TMEM231: variants seen among roughly 807,000 people sequenced by gnomAD.
The protein encoded by TMEM231 is transmembrane protein 231.
In TMEM231, 40 loss-of-function variants were observed where a neutral mutation model predicts 38.5. The ratio of observed to expected loss-of-function variants is 1.04; its 90% CI spans 0.81 to 1.35. The LOEUF (loss-of-function observed/expected upper bound fraction) is 1.35, where lower values mean the gene tolerates loss of function less well. TMEM231 is among the 40% of genes most tolerant of loss of function. The pLI is 0.00. For missense variants in TMEM231, 420 were observed against 416.9 expected (o/e 1.01, Z -0.07); for synonymous variants, 199 against 181.7 (o/e 1.10, Z -0.77).
rs2080586117 is a variant in TMEM231 at position 75,538,644 on chromosome 16, C to A, written c.*1350G>T. The A allele has an allele frequency of 6.6e-6, 1 of 152,110 alleles. No homozygotes were observed. Among genetic ancestry groups the A allele is most frequent in the East Asian group, 1.9e-4 (1 of 5,190 alleles). The allele number at this position is 152,110 out of a possible 1,614,324, so 9.4% of individuals were successfully genotyped here. A position where few individuals can be genotyped will look rare whatever the true frequency, so the allele number is the denominator to read the frequency against. ...AACGACAACTGATCTCCAAAGTAAA[C>A]TGAGGCACACACTGAGGGGTGTGTT... is the stretch of plus-strand genomic sequence containing the variant. On this transcript the variant is annotated 3_prime_UTR_variant, in exon 7 of 7. Coordinates refer to ENST00000258173, the MANE Select transcript of TMEM231 (RefSeq NM_001077418.3).
chr16:75,541,640 T>C (rs2080629702), intron 5 of TMEM231, 185 bp from the exon 6 acceptor site: 2 of 406,028 alleles, frequency 4.9e-6, no homozygotes, highest in Admixed American at 4.5e-5. Context: ...ATAGTCAAAA[T>C]ACTTTTGTTA....
chr16:75,545,607 G>A (rs2151702863), intron 3 of TMEM231, 112 bp from the exon 4 acceptor site: 4 of 722,060 alleles, frequency 5.5e-6, no homozygotes, highest in African/African-American at 2.2e-5. Flanking sequence ...CATACCTAGC[G>A]TAGCCATGCA....
chr16:75,548,867 C>T (rs1270760504), intron 2 of TMEM231, among the ~76,000 whole-genome samples: 2 of 152,142 alleles, frequency 1.3e-5, no homozygotes, highest in East Asian at 3.8e-4. Context: ...GACTCTATCT[C>T]AAACAAACAA....
At chr16:75,541,676 T>C in intron 5 of TMEM231, 1 of 335,468 alleles carries the variant, frequency 3.0e-6, no homozygotes, top group Non-Finnish European at 5.4e-6. Flanking sequence ...TTGGAAAGAG[T>C]TTCTTCTACA....
intron 2 of TMEM231, among the ~76,000 whole-genome samples, chr16:75,546,905 A>G (rs530167803): frequency 6.6e-6 from 1 of 152,324 alleles, no homozygotes; most frequent in East Asian, 1.9e-4. Flanking sequence ...TCAGCAAAGT[A>G]TTAAAACCAT....
chr16:75,551,140 C>A (rs1331317346), intron 2 of TMEM231, among the ~76,000 whole-genome samples: 1 of 152,228 alleles, frequency 6.6e-6, no homozygotes, highest in Non-Finnish European at 1.5e-5. Flanking sequence ...AGTTGTGGGT[C>A]TCTAGCAAAG....
Position 75,538,884 on chromosome 16 carries a change from G to A in TMEM231, c.*1110C>T, listed in dbSNP as rs1006837270. ...TGCTTAGCCACGAGGGTAATCCACT[G>A]GACTGCTTGGTATTCTGCTAGTGGC... is the stretch of plus-strand genomic sequence containing the variant. On this transcript the variant is annotated 3_prime_UTR_variant, in exon 7 of 7. Transcript: ENST00000258173. 3 of 152,294 alleles carry A rather than the reference G, an allele frequency of 2.0e-5. No individual in the cohort carries two copies. Among genetic ancestry groups the A allele is most frequent in the African/African-American group, 7.2e-5 (3 of 41,456 alleles). The allele number at this position is 152,294 out of a possible 1,614,324, so 9.4% of individuals were successfully genotyped here. A position where few individuals can be genotyped will look rare whatever the true frequency, so the allele number is the denominator to read the frequency against.
chr16:75,545,411 C>T lies in TMEM231; in HGVS notation c.523G>A (p.Asp175Asn). The T allele has an allele frequency of 6.2e-7, 1 of 1,611,428 alleles. No homozygotes were observed. Among genetic ancestry groups the T allele is most frequent in the Non-Finnish European group, 8.5e-7 (1 of 1,178,800 alleles). Reference protein sequence around the residue: ...VPGSQLYVNGDLRLQQKQPLS... With the variant: ...VPGSQLYVNGNLRLQQKQPLS... ...GGCTGCTTCTGCTGCAGCCTCAGGTCTCCGTTCACGTATAACTGGGATCCC... is the reference window on the plus strand; with the variant it reads ...GGCTGCTTCTGCTGCAGCCTCAGGTTTCCGTTCACGTATAACTGGGATCCC... Residue 175 changes from aspartate to asparagine, a missense_variant, in exon 4 of 7, where the codon GAC becomes AAC. Transcript: ENST00000258173.
intron 6 of TMEM231, among the ~76,000 whole-genome samples, chr16:75,540,715 T>A (rs1336874113): frequency 6.6e-6 from 1 of 152,230 alleles, no homozygotes; most frequent in African/African-American, 2.4e-5. Flanking sequence ...ATGTTTCACA[T>A]AACCTTAGCA....
intron 4 of TMEM231, among the ~76,000 whole-genome samples, chr16:75,544,802 AAC>A (rs1336541385): frequency 6.6e-6 from 1 of 152,142 alleles, no homozygotes; most frequent in African/African-American, 2.4e-5. Context: ...TTCTTCGACA[AAC>A]ACAGATTTTG....
intron 2 of TMEM231, among the ~76,000 whole-genome samples, chr16:75,549,795 A>G (rs1341424920): frequency 2.6e-5 from 4 of 151,790 alleles, no homozygotes; most frequent in Non-Finnish European, 4.4e-5. Context: ...CGCAACCTCC[A>G]CCTCCCAGGT....
In TMEM231 at chr16:75,545,103, GC is replaced by G. The variant is rs376760975; in HGVS notation, c.582+248del. 5.8e-4 allele frequency among the ~76,000 whole-genome samples: 88 copies of G among 151,532 alleles called. No individual in the cohort carries two copies. The East Asian group carries it at 0.017, about 29-fold the overall frequency. ...CCCAAGTAGCTAGGATTACAGGCAC[GC>G]ACCACACGCCTGGCTAATTTTTTGT... On this transcript the variant is annotated intron_variant, in intron 4 of 6. Coordinates refer to ENST00000258173, the MANE Select transcript of TMEM231 (RefSeq NM_001077418.3).
At position 75,545,853 on chromosome 16, in the gene TMEM231, G is replaced by A; in HGVS notation, c.411C>T (p.Leu137=). 2.9e-6 allele frequency: 4 copies of A among 1,383,976 alleles called. No homozygotes were observed. Among genetic ancestry groups the A allele is most frequent in the Non-Finnish European group, 3.9e-6 (4 of 1,030,432 alleles). 85.7% of individuals were successfully genotyped at this position (1,383,976 alleles called of 1,614,324 possible). Residue 137 remains leucine (L), a synonymous_variant, in exon 3 of 7, where the codon CTC becomes CTT. Transcript: ENST00000258173. ...QSTEHVLGVQ[L]ILTFSYRLHR... ...GTAATCGATAGGAGAAAGTCAGGAT[G>A]AGCTGCACACCGAGAACGTGCTCCG...
At position 75,555,889 on chromosome 16, in the gene TMEM231, G is replaced by A. The variant is rs1333637540; in HGVS notation, c.224C>T (p.Pro75Leu). Residue 75 changes from proline to leucine, a missense_variant, in exon 2 of 7, where the codon CCC (proline) becomes CTC (leucine). Pro to Leu is a moderately conservative substitution (Grantham distance 98, BLOSUM62 -3). Coordinates refer to ENST00000258173, the MANE Select transcript of TMEM231 (RefSeq NM_001077418.3). ...HQVLLVALLG[P>L]ESDGFLAWST... is the part of the protein sequence containing the mutation. The stretch of plus-strand genomic sequence containing the variant: ...CCAGGCGAGGAACCCGTCGCTTTCG[G>A]GTCCGAGCAGGGCCACGAGCAGCAC... The A allele has an allele frequency of 1.3e-6, 2 of 1,596,278 alleles. No individual in the cohort carries two copies. The highest frequency in any genetic ancestry group is 8.5e-7 in the Non-Finnish European group (1 of 1,171,956).
chr16:75,555,539 A>G (rs895265351), intron 2 of TMEM231: 8 of 409,774 alleles, frequency 2.0e-5, no homozygotes, highest in African/African-American at 1.6e-4. Flanking sequence ...GGCTGCCCCC[A>G]CACTTCTGGA....
intron 2 of TMEM231, among the ~76,000 whole-genome samples, chr16:75,549,810 G>C (rs2080736410): frequency 6.6e-6 from 1 of 152,168 alleles, no homozygotes; most frequent in Non-Finnish European, 1.5e-5. Flanking sequence ...CCAGGTTCGA[G>C]TGATTCTCCT....
intron 2 of TMEM231, among the ~76,000 whole-genome samples, chr16:75,554,702 A>T (rs1370306715): frequency 6.6e-6 from 1 of 152,236 alleles, no homozygotes; most frequent in Non-Finnish European, 1.5e-5. Context: ...TTCTGTCATT[A>T]TATCTACCTG....
At position 75,544,949 on chromosome 16, in the gene TMEM231, C is replaced by CTTCTTTTTTTT. The variant is rs2080666559; in HGVS notation, c.582+402_582+403insAAAAAAAAGAA. On this transcript the variant is annotated intron_variant, in intron 4 of 6. Coordinates refer to ENST00000258173, the MANE Select transcript of TMEM231 (RefSeq NM_001077418.3). ...ATATTTCTACTTTTCTTTTCTTTTT[C>CTTCTTTTTTTT]TTTTTTTTTTTTTTTTTTTTTTTTG... 5.6e-5 allele frequency among the ~76,000 whole-genome samples: 5 copies of CTTCTTTTTTTT among 89,622 alleles called. 1 individual carries two copies. Among genetic ancestry groups the CTTCTTTTTTTT allele is most frequent in the African/African-American group, 1.1e-4 (3 of 26,540 alleles). The allele number at this position is 89,622 out of a possible 152,430, so 58.8% of individuals were successfully genotyped here.
intron 2 of TMEM231, among the ~76,000 whole-genome samples, chr16:75,546,760 T>A (rs1036818344): frequency 6.6e-6 from 1 of 152,218 alleles, no homozygotes; most frequent in African/African-American, 2.4e-5. Flanking sequence ...ACTCTGTTTA[T>A]AGATTCTGAA....
Sources: gnomAD v4.1 joint callset for allele counts (sites outside exome capture counted in the v4.1 genomes callset) on GRCh38, gnomAD v4.1.1 for gene constraint, MANE v1.5 for transcripts, NCBI Gene and HGNC (gene_info 2026-07-23, HGNC 2026-07-21) for gene names.